The following SCN4B variants were observed in gnomAD, a reference collection of about 807,000 sequenced individuals.
SCN4B encodes the protein sodium voltage-gated channel beta subunit 4, also known as sodium channel regulatory subunit beta-4.
Under a neutral mutation model 19.6 loss-of-function variants are expected in SCN4B, and 20 were observed. That is an observed-to-expected ratio of 1.02 (90% confidence interval 0.72 to 1.48). The LOEUF is 1.48. Ranked by LOEUF, SCN4B falls within the 40% of genes most tolerant of loss-of-function variation. The probability of loss-of-function intolerance (pLI) is 0.00; values close to 1 mark genes in which losing one functional copy is unlikely to be tolerated. For missense variants in SCN4B, 271 were observed against 287.5 expected (o/e 0.94, Z 0.42); for synonymous variants, 127 against 122.8 (o/e 1.03, Z -0.22).
At chr11:118,146,007 G>A (rs911001360) in intron 1 of SCN4B, among the ~76,000 whole-genome samples, 2 of 151,874 alleles carry the variant, frequency 1.3e-5, no homozygotes, top group Non-Finnish European at 2.9e-5. Flanking sequence ...GCCAGGGTGG[G>A]AAAGTCAGTG....
In SCN4B at chr11:118,136,038, G is replaced by GGGT. The variant is rs1947993955; in HGVS notation, c.*988_*989insACC. 3.4e-5 allele frequency: 2 copies of GGGT among 59,164 alleles called. No homozygotes were observed. Among genetic ancestry groups the GGGT allele is most frequent in the South Asian group, 1.2e-4 (2 of 16,616 alleles). The allele number at this position is 59,164 out of a possible 1,614,324, so 3.7% of individuals were successfully genotyped here. ...GGCAGGGCGTGATGGAGGGCACGGT[G>GGGT]GGGGGGGGGGAGCGAGCCAATGGGA... On this transcript the variant is annotated 3_prime_UTR_variant, in exon 5 of 5. Transcript: ENST00000324727.
rs201454653 is a variant in SCN4B at position 118,137,082 on chromosome 11, G to C, written c.632C>G (p.Thr211Arg). The C allele has an allele frequency of 3.1e-4, 507 of 1,614,046 alleles. 1 individual carries two copies. Among genetic ancestry groups the C allele is most frequent in the Non-Finnish European group, 4.2e-4 (493 of 1,179,882 alleles). ...CLVSSSGNDN[T>R]ENGLPGSKAE... ...CTTGGAGCCAGGCAAGCCGTTCTCC[G>C]TGTTGTCATTCCCCGAGGAGCTCAC... Residue 211 changes from threonine (T) to arginine (R), a missense_variant, in exon 5 of 5, where the codon ACG becomes AGG. By Grantham distance (71) the Thr-to-Arg change is moderately conservative. Coordinates refer to ENST00000324727, the MANE Select transcript of SCN4B (RefSeq NM_174934.4).
At chr11:118,144,165 C>G in intron 2 of SCN4B, 104 bp from the exon 3 acceptor site, 1 of 779,742 alleles carries the variant, frequency 1.3e-6, no homozygotes, top group Non-Finnish European at 2.3e-6. Context: ...CCTCCCCTGT[C>G]CAGGACCAGG....
chr11:118,134,587 CA>C lies in SCN4B; in HGVS notation c.*2439del, dbSNP rs1363272652. 2.2e-6 allele frequency: 1 copy of C among 454,008 alleles called. No individual in the cohort carries two copies. The highest frequency in any genetic ancestry group is 1.6e-5 in the South Asian group (1 of 64,472). 28.1% of individuals were successfully genotyped at this position (454,008 alleles called of 1,614,324 possible). On this transcript the variant is annotated 3_prime_UTR_variant, in exon 5 of 5. Coordinates refer to ENST00000324727, the MANE Select transcript of SCN4B (RefSeq NM_174934.4). Reference sequence around the variant, plus strand: ...AATCTCAGTCACCTCTATTGAAAACCATCAAACAAAAGCCATGGACAAGAAG... The same window carrying C: ...AATCTCAGTCACCTCTATTGAAAACCTCAAACAAAAGCCATGGACAAGAAG...
At chr11:118,151,711 G>A (rs1948234341) in intron 1 of SCN4B, among the ~76,000 whole-genome samples, 1 of 152,188 alleles carries the variant, frequency 6.6e-6, no homozygotes, top group African/African-American at 2.4e-5. Context: ...AGCCAAATCT[G>A]ACCAATATAA....
chr11:118,144,211 T>A, intron 2 of SCN4B, 150 bp from the exon 3 acceptor site: 1 of 644,130 alleles, frequency 1.6e-6, no homozygotes, highest in South Asian at 1.8e-5. Flanking sequence ...CTTCCCCCCA[T>A]GGTTTCCTCT....
At chr11:118,144,616 C>T (rs1316231398) in intron 2 of SCN4B, among the ~76,000 whole-genome samples, 1 of 152,140 alleles carries the variant, frequency 6.6e-6, no homozygotes, top group African/African-American at 2.4e-5. Flanking sequence ...CCCACCCCCA[C>T]CGCAGCCGCG....
rs573880907 is a variant in SCN4B at position 118,133,738 on chromosome 11, G to A, written c.*3289C>T. ...GTAAAGCAAGTTATAGGATTTTCCC[G>A]AGAAGTCCCCGCTCCTGGAACTCCC... On this transcript the variant is annotated 3_prime_UTR_variant, in exon 5 of 5. Coordinates refer to ENST00000324727, the MANE Select transcript of SCN4B (RefSeq NM_174934.4). The A allele has an allele frequency of 9.2e-5, 42 of 454,504 alleles. No individual in the cohort carries two copies. In the East Asian group the frequency reaches 1.6e-3, roughly 17 times the overall value. 28.2% of individuals were successfully genotyped at this position (454,504 alleles called of 1,614,324 possible).
rs977757713 is a variant in SCN4B at position 118,135,578 on chromosome 11, C to G, written c.*1449G>C. 1.8e-5 allele frequency: 8 copies of G among 453,988 alleles called. No homozygotes were observed. Among genetic ancestry groups the G allele is most frequent in the African/African-American group, 6.0e-5 (3 of 49,968 alleles). 28.1% of individuals were successfully genotyped at this position (453,988 alleles called of 1,614,324 possible). On this transcript the variant is annotated 3_prime_UTR_variant, in exon 5 of 5. Coordinates refer to ENST00000324727, the MANE Select transcript of SCN4B (RefSeq NM_174934.4). ...CCCACTCCCAACATCACCACCTCCC[C>G]CTAGGGCAGGCTAGAAACCCCAATG...
intron 2 of SCN4B, among the ~76,000 whole-genome samples, chr11:118,144,612 C>G (rs1948144426): frequency 6.6e-6 from 1 of 152,108 alleles, no homozygotes; most frequent in South Asian, 2.1e-4. Flanking sequence ...CACTCCCACC[C>G]CCACCGCAGC....
In SCN4B at chr11:118,134,283, C is replaced by G; in HGVS notation, c.*2744G>C. 2.2e-6 allele frequency: 1 copy of G among 454,168 alleles called. No individual in the cohort carries two copies. Among genetic ancestry groups the G allele is most frequent in the Non-Finnish European group, 4.4e-6 (1 of 226,808 alleles). The allele number at this position is 454,168 out of a possible 1,614,324, so 28.1% of individuals were successfully genotyped here. A position where few individuals can be genotyped will look rare whatever the true frequency, so the allele number is the denominator to read the frequency against. On this transcript the variant is annotated 3_prime_UTR_variant, in exon 5 of 5. Transcript: ENST00000324727. ...TGTCTTTAGTCTCGCTGACATCACT[C>G]AGCCCAGCTGCATGTGGCCAGGTCT...
intron 1 of SCN4B, chr11:118,145,718 G>A (rs1186019312): frequency 6.6e-6 from 2 of 300,762 alleles, no homozygotes; most frequent in Non-Finnish European, 1.3e-5. Context: ...GCCGGGTCCC[G>A]TAAGGTGAAG....
rs1798011485 is a variant in SCN4B at position 118,134,532 on chromosome 11, C to T, written c.*2495G>A. The T allele has an allele frequency of 2.2e-6, 1 of 454,110 alleles. No homozygotes were observed. The highest frequency in any genetic ancestry group is 4.4e-6 in the Non-Finnish European group (1 of 226,794). The allele number at this position is 454,110 out of a possible 1,614,324, so 28.1% of individuals were successfully genotyped here. The stretch of plus-strand genomic sequence containing the variant: ...TAGCATTCTTAGTAGTGCCCCCACG[C>T]ATGGGGGCAACCAAAAATGCCCCCC... On this transcript the variant is annotated 3_prime_UTR_variant, in exon 5 of 5. Transcript: ENST00000324727.
chr11:118,141,098 A>C, intron 4 of SCN4B, 109 bp downstream of exon 4: 7 of 1,233,302 alleles, frequency 5.7e-6, no homozygotes, highest in East Asian at 2.3e-5. Context: ...AGCGGTAGGA[A>C]TGGGAATGGG....
chr11:118,152,273 C>T (rs1948240802), intron 1 of SCN4B, among the ~76,000 whole-genome samples: 1 of 152,202 alleles, frequency 6.6e-6, no homozygotes, highest in Non-Finnish European at 1.5e-5. Flanking sequence ...GCACTCAAGG[C>T]ACGGACCCCC....
At position 118,148,462 on chromosome 11, in the gene SCN4B, C is replaced by T. The variant is rs1454180163; in HGVS notation, c.62-3233G>A. On this transcript the variant is annotated intron_variant, in intron 1 of 4. Transcript: ENST00000324727. The surrounding 1 kb of genome is among the most constrained non-coding windows in gnomAD (Gnocchi z 4.0). ...TCCAGAGAGGACTGGTGAGCATGCG[C>T]AAGGCAGGCCCCACTCTGCCAGCTG... Among the ~76,000 whole-genome samples the T allele has an allele frequency of 6.6e-6, 1 of 152,328 alleles. No homozygotes were observed. The highest frequency in any genetic ancestry group is 2.1e-4 in the South Asian group (1 of 4,826).
rs1467661046 is a variant in SCN4B at position 118,134,037 on chromosome 11, C to G, written c.*2990G>C. ...CACGCACACTCCACACAAGCACACCCCACCTCCTGCCATCTCACAAGCATG... is the reference window on the plus strand; with the variant it reads ...CACGCACACTCCACACAAGCACACCGCACCTCCTGCCATCTCACAAGCATG... On this transcript the variant is annotated 3_prime_UTR_variant, in exon 5 of 5. Transcript: ENST00000324727. The G allele has an allele frequency of 2.2e-6, 1 of 454,654 alleles. No individual in the cohort carries two copies. The allele number at this position is 454,654 out of a possible 1,614,324, so 28.2% of individuals were successfully genotyped here. A position where few individuals can be genotyped will look rare whatever the true frequency, so the allele number is the denominator to read the frequency against.
In SCN4B at chr11:118,136,535, C is replaced by T; in HGVS notation, c.*492G>A. 4.4e-6 allele frequency: 2 copies of T among 454,080 alleles called. No individual in the cohort carries two copies. Among genetic ancestry groups the T allele is most frequent in the Non-Finnish European group, 4.4e-6 (1 of 226,830 alleles). 28.1% of individuals were successfully genotyped at this position (454,080 alleles called of 1,614,324 possible). A position where few individuals can be genotyped will look rare whatever the true frequency, so the allele number is the denominator to read the frequency against. On this transcript the variant is annotated 3_prime_UTR_variant, in exon 5 of 5. Coordinates refer to ENST00000324727, the MANE Select transcript of SCN4B (RefSeq NM_174934.4). ...GGCAGTCTCTCACTGTGGGCCTGCC[C>T]CCATCAGCCCCCACCCCAGGTCTTC...
intron 1 of SCN4B, among the ~76,000 whole-genome samples, chr11:118,147,696 T>TC (rs1471243959): frequency 6.6e-6 from 1 of 152,122 alleles, no homozygotes; most frequent in African/African-American, 2.4e-5. Context: ...CTTCCCACCC[T>TC]CCACAGCCCC....
Sources: allele counts gnomAD v4.1 joint callset (sites outside exome capture counted in the v4.1 genomes callset), GRCh38; gene constraint gnomAD v4.1.1; non-coding constraint Gnocchi (gnomAD v3.1); transcripts MANE v1.5; gene names NCBI Gene and HGNC (gene_info 2026-07-23, HGNC 2026-07-21).